GPA33: variants seen among roughly 807,000 people sequenced by gnomAD.
The protein encoded by GPA33 is cell surface A33 antigen.
GPA33 carries 27 observed loss-of-function variants against 35.6 expected under a neutral mutation model. That is an observed-to-expected ratio of 0.76 (90% CI 0.56 to 1.04). The LOEUF is 1.04. Among genes scored for constraint, GPA33 ranks in the 50% least tolerant of loss-of-function variants. The pLI is 0.00. For synonymous variants in GPA33, 176 were observed against 164.0 expected (o/e 1.07, Z -0.56); for missense variants, 428 against 411.9 (o/e 1.04, Z -0.34).
intron 3 of GPA33, 133 bp downstream of exon 3, chr1:167,068,789 A>T (rs899398481): frequency 6.1e-5 from 39 of 642,310 alleles, no homozygotes; most frequent in Non-Finnish European, 1.0e-4. Flanking sequence ...TGCTGAAGAC[A>T]GCCTGGACGA....
intron 1 of GPA33, among the ~76,000 whole-genome samples, chr1:167,083,195 C>T (rs1035975302): frequency 6.6e-6 from 1 of 152,226 alleles, no homozygotes; most frequent in Non-Finnish European, 1.5e-5. Context: ...CACTAAGTGA[C>T]TTTCTCTAAG....
At chr1:167,071,192 T>C (rs1449254181) in intron 2 of GPA33, among the ~76,000 whole-genome samples, 1 of 152,032 alleles carries the variant, frequency 6.6e-6, no homozygotes, top group Non-Finnish European at 1.5e-5. Flanking sequence ...GTCAGAGAGC[T>C]AAGAGGAAAA....
rs375630098 is a variant in GPA33 at position 167,082,702 on chromosome 1, C to T, written c.43+7543G>A. On this transcript the variant is annotated intron_variant, in intron 1 of 6. Coordinates refer to ENST00000367868, the MANE Select transcript of GPA33 (RefSeq NM_005814.3). ...GCAGATGGAGATACATTGGTGGACA[C>T]GTGCAGGGCGTGAGCTCTAGCCAAC... 1.7e-4 allele frequency among the ~76,000 whole-genome samples: 26 copies of T among 152,294 alleles called. 2 individuals carry two copies. The South Asian group carries it at 4.6e-3, about 27-fold the overall frequency.
intron 1 of GPA33, among the ~76,000 whole-genome samples, chr1:167,083,873 A>G (rs1667002941): frequency 6.6e-6 from 1 of 151,942 alleles, no homozygotes; most frequent in Non-Finnish European, 1.5e-5. Flanking sequence ...TCCCCATATG[A>G]TATCCTTTAG....
At chr1:167,089,334 C>T (rs191785494) in intron 1 of GPA33, among the ~76,000 whole-genome samples, 1 of 152,288 alleles carries the variant, frequency 6.6e-6, no homozygotes, top group East Asian at 1.9e-4. Context: ...CTTGGTGCTC[C>T]TGAGTTTCCT....
At chr1:167,063,525 C>T in intron 4 of GPA33, 57 bp downstream of exon 4, 1 of 1,496,914 alleles carries the variant, frequency 6.7e-7, no homozygotes, top group Middle Eastern at 2.5e-4. Context: ...CCTAGCCAAT[C>T]AGCTGCATGT....
chr1:167,079,896 C>A (rs1031927372), intron 1 of GPA33, among the ~76,000 whole-genome samples: 1 of 152,192 alleles, frequency 6.6e-6, no homozygotes, highest in Admixed American at 6.5e-5. Context: ...TCCTTATTAG[C>A]ACTGCATCCC....
intron 3 of GPA33, among the ~76,000 whole-genome samples, chr1:167,067,131 T>C (rs1666613489): frequency 6.6e-6 from 1 of 152,180 alleles, no homozygotes; most frequent in Non-Finnish European, 1.5e-5. Context: ...TTCTTTTCTC[T>C]GTGTTTTTTG....
At chr1:167,086,734 G>A (rs916742492) in intron 1 of GPA33, among the ~76,000 whole-genome samples, 2 of 152,218 alleles carry the variant, frequency 1.3e-5, no homozygotes, top group Non-Finnish European at 2.9e-5. Flanking sequence ...TGGGTTTTCT[G>A]AAACTTTTTT....
chr1:167,065,950 C>T (rs1004851471), intron 3 of GPA33, among the ~76,000 whole-genome samples: 15 of 152,082 alleles, frequency 9.9e-5, no homozygotes, highest in African/African-American at 2.9e-4. Flanking sequence ...AGCAGGTCCC[C>T]GGGGAACAAG....
chr1:167,057,750 A>C (rs1325905614), intron 4 of GPA33, among the ~76,000 whole-genome samples: 3 of 152,190 alleles, frequency 2.0e-5, no homozygotes, highest in Non-Finnish European at 4.4e-5. Flanking sequence ...TCCTTCCAGC[A>C]ATCCTCAATA....
At chr1:167,073,831 G>C (rs1442964581) in intron 1 of GPA33, among the ~76,000 whole-genome samples, 1 of 152,042 alleles carries the variant, frequency 6.6e-6, no homozygotes, top group Admixed American at 6.6e-5. Flanking sequence ...CTGAGCGTCA[G>C]TTTTCTCATC....
In GPA33 at chr1:167,069,109, G is replaced by C; in HGVS notation, c.228C>G (p.Asn76Lys). Residue 76 changes from asparagine to lysine, a missense_variant, in exon 3 of 7, where the codon AAC becomes AAG. By Grantham distance (94) the Asn-to-Lys change is moderately conservative. Coordinates refer to ENST00000367868, the MANE Select transcript of GPA33 (RefSeq NM_005814.3). ...TERVVIWPFSNKNYIHGELYK... is the reference protein window; with the variant it reads ...TERVVIWPFSKKNYIHGELYK... ...AAAGCTCACCATGGATGTAGTTTTT[G>C]TTTGAAAACGGCCAGATGACCACCC... The C allele has an allele frequency of 2.5e-6, 4 of 1,613,790 alleles. No homozygotes were observed. The highest frequency in any genetic ancestry group is 3.4e-6 in the Non-Finnish European group (4 of 1,179,750).
intron 4 of GPA33, among the ~76,000 whole-genome samples, chr1:167,056,501 G>A (rs1401683966): frequency 1.4e-5 from 2 of 147,576 alleles, no homozygotes; most frequent in Admixed American, 6.7e-5. Context: ...TGTGGTGTGT[G>A]GTGTGTCAGT....
At chr1:167,059,596 T>G (rs961913036) in intron 4 of GPA33, among the ~76,000 whole-genome samples, 1 of 151,922 alleles carries the variant, frequency 6.6e-6, no homozygotes, top group South Asian at 2.1e-4. Context: ...CGCCTCCCCT[T>G]AAGTGCTCCA....
intron 2 of GPA33, among the ~76,000 whole-genome samples, chr1:167,071,382 T>C (rs1666715972): frequency 6.6e-6 from 1 of 152,208 alleles, no homozygotes. Flanking sequence ...GAGACCATGA[T>C]GGACAGAGAA....
intron 4 of GPA33, among the ~76,000 whole-genome samples, chr1:167,061,709 TCTC>T (rs1371463575): frequency 6.7e-6 from 1 of 149,370 alleles, no homozygotes; most frequent in Non-Finnish European, 1.5e-5. Context: ...TTCACGCCAT[TCTC>T]CTACCTCAGC....
Position 167,055,737 on chromosome 1 carries a change from G to A in GPA33, c.684C>T (p.Val228=). 7 of 1,614,034 alleles carry A rather than the reference G, an allele frequency of 4.3e-6. No homozygotes were observed. Among genetic ancestry groups the A allele is most frequent in the Non-Finnish European group, 5.9e-6 (7 of 1,179,982 alleles). The part of the protein sequence containing the change: ...GTQFCNITVA[V]RSPSMNVALY... ...CCCGCAGGCTGCTCTTACGAGATCT[G>A]ACGGCCACCGTGATGTTGCAGAACT... The change falls in exon 5 of 7, where the codon GTC becomes GTT. Residue 228 remains valine, a synonymous_variant. Transcript: ENST00000367868.
intron 4 of GPA33, among the ~76,000 whole-genome samples, chr1:167,057,054 G>A (rs1666323147): frequency 6.6e-6 from 1 of 150,648 alleles, no homozygotes; most frequent in African/African-American, 2.4e-5. Context: ...TGTGTGGTAT[G>A]GGGGGTGGTG....
Sources: gnomAD v4.1 joint callset for allele counts (sites outside exome capture counted in the v4.1 genomes callset) on GRCh38, gnomAD v4.1.1 for gene constraint, MANE v1.5 for transcripts, NCBI Gene and HGNC (gene_info 2026-07-23, HGNC 2026-07-21) for gene names.